EEPD1: variants seen among roughly 807,000 people sequenced by gnomAD.
EEPD1 encodes endonuclease/exonuclease/phosphatase family domain-containing protein 1.
A neutral mutation model predicts 46.3 loss-of-function variants in EEPD1; 17 were observed. That is an observed-to-expected ratio of 0.37 (90% CI 0.25 to 0.55). EEPD1 has a LOEUF of 0.55. Among genes scored for constraint, EEPD1 ranks in the 20% least tolerant of loss-of-function variants. The pLI, the probability that EEPD1 is intolerant of heterozygous loss-of-function variation, is 0.83. For missense variants in EEPD1, 673 were observed against 745.6 expected, an observed-to-expected ratio of 0.90 and a Z score of 1.13; for synonymous variants, 313 against 315.6, an observed-to-expected ratio of 0.99 and a Z score of 0.09.
At chr7:36,282,995 G>A (rs1787283951) in intron 4 of EEPD1, among the ~76,000 whole-genome samples, 2 of 152,136 alleles carry the variant, frequency 1.3e-5, no homozygotes, top group South Asian at 4.1e-4. Flanking sequence ...TAAGAAAGTG[G>A]GCCATTTCTC....
At chr7:36,175,404 A>G (rs898053344) in intron 2 of EEPD1, among the ~76,000 whole-genome samples, 1 of 151,726 alleles carries the variant, frequency 6.6e-6, no homozygotes, top group African/African-American at 2.4e-5. Context: ...CTAATTTTTA[A>G]ATTTTTTTGT....
intron 3 of EEPD1, among the ~76,000 whole-genome samples, chr7:36,260,352 G>A (rs187141285): frequency 5.9e-5 from 9 of 152,148 alleles, no homozygotes; most frequent in Non-Finnish European, 1.2e-4. Flanking sequence ...CTCTTTCAGC[G>A]CTTTGAATAT....
intron 3 of EEPD1, among the ~76,000 whole-genome samples, chr7:36,276,926 T>C (rs1387078384): frequency 6.6e-6 from 1 of 152,272 alleles, no homozygotes; most frequent in Non-Finnish European, 1.5e-5. Flanking sequence ...TGGGACACTT[T>C]GTGATGAACA....
rs115205818 is a variant in EEPD1 at position 36,225,087 on chromosome 7, G to C, written c.879-13898G>C. Among the ~76,000 whole-genome samples the C allele has an allele frequency of 6.3e-3, 956 of 152,160 alleles. 5 individuals carry two copies. The highest frequency in any genetic ancestry group is 0.022 in the African/African-American group (896 of 41,492). ...AGGCTCTCCTCTCGAGCCTCCAGAG[G>C]GAGTGCGGCCATTCCGATAGCTTGA... On this transcript the variant is annotated intron_variant, in intron 2 of 7. Transcript: ENST00000242108. This position sits in a 1 kb window ranked among gnomAD's most constrained non-coding sequence, Gnocchi z 4.2.
intron 3 of EEPD1, among the ~76,000 whole-genome samples, chr7:36,272,550 C>G (rs570775569): frequency 7.1e-6 from 1 of 140,714 alleles, no homozygotes; most frequent in African/African-American, 2.7e-5. Flanking sequence ...TTGTAACCAT[C>G]TTGCTCAGGA....
Position 36,154,740 on chromosome 7 carries a change from T to C in EEPD1, c.416T>C (p.Ile139Thr). 6.2e-7 allele frequency: 1 copy of C among 1,613,968 alleles called. No individual in the cohort carries two copies. The change falls in exon 2 of 8, where the codon ATC (isoleucine) becomes ACC (threonine). Residue 139 changes from isoleucine to threonine, a missense_variant. Ile to Thr is a moderately conservative substitution (Grantham distance 89, BLOSUM62 -1). Transcript: ENST00000242108. The surrounding 1 kb of genome is among the most constrained non-coding windows in gnomAD (Gnocchi z 4.2). ...TAVPLTPRVNINTATPAQLMS... is the reference protein window; with the variant it reads ...TAVPLTPRVNTNTATPAQLMS... The stretch of plus-strand genomic sequence containing the variant: ...GTGCCCCTCACCCCACGTGTTAACA[T>C]CAACACAGCCACCCCGGCCCAGCTC...
At position 36,248,476 on chromosome 7, in the gene EEPD1, G is replaced by A. The variant is rs1039733617; in HGVS notation, c.930+9440G>A. ...CCCACCTCGGCCTCCCAAAGTGCTG[G>A]GATTACAGGCATGAGCCACCACCCT... On this transcript the variant is annotated intron_variant, in intron 3 of 7. Coordinates refer to ENST00000242108, the MANE Select transcript of EEPD1 (RefSeq NM_030636.3). 2.7e-5 allele frequency among the ~76,000 whole-genome samples: 4 copies of A among 149,898 alleles called. No individual in the cohort carries two copies. The East Asian group carries it at 7.8e-4, about 29-fold the overall frequency.
intron 2 of EEPD1, among the ~76,000 whole-genome samples, chr7:36,172,274 C>T (rs1213623941): frequency 6.6e-6 from 1 of 152,184 alleles, no homozygotes; most frequent in Non-Finnish European, 1.5e-5. Flanking sequence ...CTAATCTTCC[C>T]CTCCTTTTTG....
rs1325052192 is a variant in EEPD1 at position 36,197,514 on chromosome 7, C to CGTGTCTGTG, written c.879-41470_879-41462dup. Among the ~76,000 whole-genome samples, 17 of 152,262 alleles carry CGTGTCTGTG rather than the reference C, an allele frequency of 1.1e-4. No individual in the cohort carries two copies. The East Asian group carries it at 3.3e-3, about 29-fold the overall frequency. On this transcript the variant is annotated intron_variant, in intron 2 of 7. Transcript: ENST00000242108. ...AAAGATTGAGAAATTGGATGGTTGC[C>CGTGTCTGTG]GTGTCTGTGTAGAAAGAGGTAGACA...
chr7:36,288,532 G>A (rs1285446752), intron 6 of EEPD1, among the ~76,000 whole-genome samples: 5 of 152,088 alleles, frequency 3.3e-5, no homozygotes, highest in Non-Finnish European at 7.4e-5. Flanking sequence ...AGGCCAAGGC[G>A]GGAGGATCAC....
At chr7:36,249,877 A>T (rs1038311985) in intron 3 of EEPD1, among the ~76,000 whole-genome samples, 1 of 152,194 alleles carries the variant, frequency 6.6e-6, no homozygotes, top group African/African-American at 2.4e-5. Flanking sequence ...TTTAAAAAAA[A>T]CAGGTTGTCA....
chr7:36,167,381 C>A (rs2700912), intron 2 of EEPD1, among the ~76,000 whole-genome samples: 48,514 of 152,020 alleles, frequency 0.32, 8,460 homozygotes, highest in Middle Eastern at 0.43. Flanking sequence ...AGTTTAAATG[C>A]TAGAGAAAGC....
chr7:36,231,433 C>T (rs533856982), intron 2 of EEPD1, among the ~76,000 whole-genome samples: 1 of 152,302 alleles, frequency 6.6e-6, no homozygotes, highest in African/African-American at 2.4e-5. Context: ...TAGTTCATTG[C>T]AGTTTTCATC....
At chr7:36,214,055 C>T (rs2115731282) in intron 2 of EEPD1, among the ~76,000 whole-genome samples, 1 of 152,190 alleles carries the variant, frequency 6.6e-6, no homozygotes, top group African/African-American at 2.4e-5. Flanking sequence ...CAGCAGACAC[C>T]AGTGCCAATG....
At chr7:36,286,078 G>T (rs1255423313) in intron 5 of EEPD1, among the ~76,000 whole-genome samples, 1 of 152,074 alleles carries the variant, frequency 6.6e-6, no homozygotes, top group Non-Finnish European at 1.5e-5. Context: ...TTCCAGTGTT[G>T]GCCACCTGGG....
chr7:36,179,964 T>A (rs1231483746), intron 2 of EEPD1, among the ~76,000 whole-genome samples: 1 of 152,150 alleles, frequency 6.6e-6, no homozygotes, highest in Non-Finnish European at 1.5e-5. Flanking sequence ...TGCCCTTCAC[T>A]GCCCTGAGTG....
chr7:36,242,059 G>C (rs1401903916), intron 3 of EEPD1, among the ~76,000 whole-genome samples: 2 of 152,194 alleles, frequency 1.3e-5, no homozygotes, highest in Non-Finnish European at 2.9e-5. Flanking sequence ...TGATGCTGAG[G>C]CTGCGGCGGA....
chr7:36,245,927 G>A (rs1272927056), intron 3 of EEPD1, among the ~76,000 whole-genome samples: 2 of 152,192 alleles, frequency 1.3e-5, no homozygotes, highest in Non-Finnish European at 2.9e-5. Context: ...ACAGGTACTT[G>A]TTTCCCAGGC....
At chr7:36,210,896 T>C (rs199927065) in intron 2 of EEPD1, among the ~76,000 whole-genome samples, 4 of 152,332 alleles carry the variant, frequency 2.6e-5, no homozygotes, top group South Asian at 2.1e-4. Flanking sequence ...ACTTTATTTA[T>C]AGTGTGGTGG....
Sources: allele counts gnomAD v4.1 joint callset (sites outside exome capture counted in the v4.1 genomes callset), GRCh38; gene constraint gnomAD v4.1.1; non-coding constraint Gnocchi (gnomAD v3.1); transcripts MANE v1.5; gene names NCBI Gene and HGNC (gene_info 2026-07-23, HGNC 2026-07-21).